The following DGKI variants were observed in gnomAD, a reference collection of about 807,000 sequenced individuals.
DGKI encodes DAG kinase iota.
DGKI carries 55 observed loss-of-function variants against 147.5 expected under a neutral mutation model. The ratio of observed to expected loss-of-function variants is 0.37; its 90% CI spans 0.30 to 0.47. The LOEUF (loss-of-function observed/expected upper bound fraction) is 0.47, where lower values mean the gene tolerates loss of function less well. DGKI is among the 20% of genes least tolerant of loss of function. The probability of loss-of-function intolerance (pLI) is 1.00; values close to 1 mark genes in which losing one functional copy is unlikely to be tolerated. For missense variants in DGKI, 1,007 were observed against 1,323.8 expected (o/e 0.76, Z 3.71); for synonymous variants, 469 against 477.1 (o/e 0.98, Z 0.22).
At chr7:137,737,204 C>CAAAAAAAAAA (rs763572711) in intron 1 of DGKI, among the ~76,000 whole-genome samples, 26 of 83,296 alleles carry the variant, frequency 3.1e-4, no homozygotes, top group Middle Eastern at 8.3e-3. Flanking sequence ...CTCATTTCAC[C>CAAAAAAAAAA]AAAAAAAAAA....
intron 21 of DGKI, among the ~76,000 whole-genome samples, chr7:137,509,000 G>C (rs1816475354): frequency 6.6e-6 from 1 of 152,082 alleles, no homozygotes; most frequent in Admixed American, 6.6e-5. Context: ...TCAAGGAGGA[G>C]AGGCAGGGGA....
chr7:137,515,047 C>T (rs1383958294), intron 21 of DGKI, among the ~76,000 whole-genome samples: 2 of 152,168 alleles, frequency 1.3e-5, no homozygotes, highest in Non-Finnish European at 2.9e-5. Context: ...AAGCAGGTTC[C>T]AGTCACATGG....
rs1014390356 is a variant in DGKI at position 137,782,761 on chromosome 7, G to A, written c.401+63701C>T. Among the ~76,000 whole-genome samples, 7 of 152,166 alleles carry A rather than the reference G, an allele frequency of 4.6e-5. No homozygotes were observed. In the South Asian group the frequency reaches 6.2e-4, roughly 14 times the overall value. ...ACTTTACTCCCCTGTCACTTCCACC[G>A]GAGCAGGTGCTGGTAACCACAGCTG... On this transcript the variant is annotated intron_variant, in intron 1 of 32. Transcript: ENST00000614521.
At chr7:137,394,367 G>A (rs556950645) in intron 32 of DGKI, among the ~76,000 whole-genome samples, 53 of 152,210 alleles carry the variant, frequency 3.5e-4, no homozygotes, top group African/African-American at 1.0e-3. Flanking sequence ...ATTCTTCTTT[G>A]TCCAATGTGG....
intron 27 of DGKI, among the ~76,000 whole-genome samples, chr7:137,445,807 C>T (rs941653704): frequency 2.6e-5 from 4 of 152,138 alleles, no homozygotes; most frequent in African/African-American, 7.2e-5. Context: ...AATGTGGACA[C>T]TCTCAGAGCC....
chr7:137,758,170 G>C (rs565907390), intron 1 of DGKI, among the ~76,000 whole-genome samples: 2 of 152,292 alleles, frequency 1.3e-5, no homozygotes, highest in Admixed American at 1.3e-4. Context: ...CAATCAAAAC[G>C]GAGAAGTCTC....
chr7:137,447,037 C>T (rs1255218173), intron 27 of DGKI, among the ~76,000 whole-genome samples: 3 of 152,222 alleles, frequency 2.0e-5, no homozygotes, highest in Non-Finnish European at 4.4e-5. Flanking sequence ...GTCCTCTTCA[C>T]TTCTTTCCTG....
At chr7:137,766,960 C>T (rs1307462321) in intron 1 of DGKI, among the ~76,000 whole-genome samples, 1 of 152,200 alleles carries the variant, frequency 6.6e-6, no homozygotes, top group Admixed American at 6.5e-5. Flanking sequence ...TCTGAGGATC[C>T]TCCAAGTGAA....
At chr7:137,581,620 C>T (rs1426145497) in intron 15 of DGKI, among the ~76,000 whole-genome samples, 4 of 152,014 alleles carry the variant, frequency 2.6e-5, no homozygotes, top group Non-Finnish European at 4.4e-5. Flanking sequence ...GTCTTTAAGA[C>T]CCTGGACAAC....
chr7:137,749,275 T>C (rs947437023), intron 1 of DGKI, among the ~76,000 whole-genome samples: 3 of 152,210 alleles, frequency 2.0e-5, no homozygotes, highest in African/African-American at 7.2e-5. Flanking sequence ...GGCAGCACCC[T>C]AAAACAAGGT....
chr7:137,620,026 C>CACAA (rs1820688301), intron 7 of DGKI, 86 bp from the exon 8 acceptor site: 10 of 691,544 alleles, frequency 1.4e-5, no homozygotes, highest in Non-Finnish European at 2.2e-5. Context: ...CACGCACACA[C>CACAA]ACACACACAC....
chr7:137,536,111 T>G (rs1368311985), intron 20 of DGKI, among the ~76,000 whole-genome samples: 6 of 152,146 alleles, frequency 3.9e-5, no homozygotes, highest in Non-Finnish European at 7.4e-5. Flanking sequence ...GATTAAAATA[T>G]ATAAATAATA....
chr7:137,752,984 G>A (rs1795554481), intron 1 of DGKI, among the ~76,000 whole-genome samples: 2 of 151,978 alleles, frequency 1.3e-5, no homozygotes, highest in Admixed American at 1.3e-4. Flanking sequence ...TTCCTAGACA[G>A]CCAGTATCAC....
chr7:137,567,693 G>A (rs1818635869), intron 19 of DGKI, among the ~76,000 whole-genome samples: 2 of 152,100 alleles, frequency 1.3e-5, no homozygotes, highest in African/African-American at 4.8e-5. Context: ...GAAAATAAAT[G>A]ATATTTGTGA....
At chr7:137,818,568 A>G (rs1797805051) in intron 1 of DGKI, among the ~76,000 whole-genome samples, 1 of 152,084 alleles carries the variant, frequency 6.6e-6, no homozygotes, top group African/African-American at 2.4e-5. Flanking sequence ...CAGCCTCCCA[A>G]GTAGCTGGGA....
intron 27 of DGKI, chr7:137,454,768 G>A (rs991549200): frequency 6.6e-6 from 1 of 152,194 alleles, no homozygotes; most frequent in African/African-American, 2.4e-5. Flanking sequence ...AGAGCCAGGA[G>A]GAAGGACCCT....
intron 20 of DGKI, among the ~76,000 whole-genome samples, chr7:137,526,392 T>A (rs982274485): frequency 2.5e-4 from 35 of 142,022 alleles, no homozygotes; most frequent in African/African-American, 8.5e-4. Context: ...CCTAAACCTG[T>A]CGCCTTCTCA....
chr7:137,683,126 G>C (rs111338166), intron 2 of DGKI, among the ~76,000 whole-genome samples: 305 of 151,522 alleles, frequency 2.0e-3, no homozygotes, highest in African/African-American at 7.0e-3. Context: ...ATCTAATTTC[G>C]GAGTCTTGTT....
In DGKI at chr7:137,475,420, C is replaced by A. The variant is rs1815136129; in HGVS notation, c.2374-5801G>T. Among the ~76,000 whole-genome samples the A allele has an allele frequency of 2.6e-5, 4 of 152,172 alleles. No homozygotes were observed. In the South Asian group the frequency reaches 8.3e-4, roughly 32 times the overall value. On this transcript the variant is annotated intron_variant, in intron 23 of 32. Coordinates refer to ENST00000614521, the MANE Select transcript of DGKI (RefSeq NM_001321708.2). Reference sequence around the variant, plus strand: ...TTCAAGGCTGAATGTCTTCTATCACCAACAAGCATACATTTCGGAACATTT... The same window carrying A: ...TTCAAGGCTGAATGTCTTCTATCACAAACAAGCATACATTTCGGAACATTT...
Sources: allele counts gnomAD v4.1 joint callset (sites outside exome capture counted in the v4.1 genomes callset), GRCh38; gene constraint gnomAD v4.1.1; transcripts MANE v1.5; gene names NCBI Gene and HGNC (gene_info 2026-07-23, HGNC 2026-07-21).